The following LRP1B variants were observed in gnomAD, a reference collection of about 807,000 sequenced individuals.
LRP1B encodes the protein low-density lipoprotein receptor-related protein 1B.
A neutral mutation model predicts 556.6 loss-of-function variants in LRP1B; 217 were observed. That is an observed-to-expected ratio of 0.39 (90% CI 0.35 to 0.44). The LOEUF is 0.44. Among genes scored for constraint, LRP1B ranks in the 20% least tolerant of loss-of-function variants. The probability of loss-of-function intolerance (pLI) is 1.00; values close to 1 mark genes in which losing one functional copy is unlikely to be tolerated. For missense variants in LRP1B, 5,053 were observed against 5,620.8 expected (o/e 0.90, Z 3.23); for synonymous variants, 2,047 against 1,865.8 (o/e 1.10, Z -2.50).
At position 142,048,848 on chromosome 2, in the gene LRP1B, T is replaced by C. The variant is rs886715897; in HGVS notation, c.82+81800A>G. Among the ~76,000 whole-genome samples, 162 of 152,020 alleles carry C rather than the reference T, an allele frequency of 1.1e-3. 1 individual carries two copies. Among genetic ancestry groups the C allele is most frequent in the Non-Finnish European group, 5.4e-4 (37 of 67,972 alleles). On this transcript the variant is annotated intron_variant, in intron 1 of 90. Transcript: ENST00000389484. The stretch of plus-strand genomic sequence containing the variant: ...TTACAATGGACTAATAAAGAGAAGA[T>C]TCATGTCTTTATTAAAAACTTAGAA...
At chr2:141,717,104 T>C (rs1692631004) in intron 2 of LRP1B, among the ~76,000 whole-genome samples, 1 of 152,116 alleles carries the variant, frequency 6.6e-6, no homozygotes, top group South Asian at 2.1e-4. Flanking sequence ...TTTCTAAAGC[T>C]CAGAGGTATG....
At chr2:141,137,104 G>C (rs73962825) in intron 7 of LRP1B, among the ~76,000 whole-genome samples, 8,586 of 151,916 alleles carry the variant, frequency 0.057, 303 homozygotes, top group African/African-American at 0.099. Context: ...AATTGAAAAA[G>C]ATTTTGTAGG....
chr2:140,362,182 T>C (rs1682545644), intron 72 of LRP1B, among the ~76,000 whole-genome samples: 1 of 151,680 alleles, frequency 6.6e-6, no homozygotes. Flanking sequence ...CTATTAATCC[T>C]TTCTATCCCA....
chr2:141,263,665 A>T (rs1344153123), intron 3 of LRP1B, among the ~76,000 whole-genome samples: 3 of 152,168 alleles, frequency 2.0e-5, no homozygotes, highest in Non-Finnish European at 4.4e-5. Flanking sequence ...ATGAGGCTGG[A>T]ATTACCCCAA....
At chr2:141,445,048 G>A (rs1334541510) in intron 3 of LRP1B, among the ~76,000 whole-genome samples, 4 of 152,106 alleles carry the variant, frequency 2.6e-5, no homozygotes, top group African/African-American at 2.4e-5. Flanking sequence ...CTGTGAATCT[G>A]TCTGGTCCTG....
chr2:142,005,452 C>G (rs1172372925), intron 1 of LRP1B, among the ~76,000 whole-genome samples: 4 of 152,200 alleles, frequency 2.6e-5, no homozygotes, highest in African/African-American at 9.6e-5. Context: ...TCAACTTACT[C>G]TACTTTTATT....
intron 7 of LRP1B, among the ~76,000 whole-genome samples, chr2:141,128,443 T>C (rs1219119172): frequency 6.6e-6 from 1 of 152,160 alleles, no homozygotes; most frequent in Non-Finnish European, 1.5e-5. Context: ...CATAATCTGT[T>C]CCCTAGATTT....
chr2:140,319,990 A>C (rs893559643), intron 82 of LRP1B, among the ~76,000 whole-genome samples: 3 of 152,108 alleles, frequency 2.0e-5, no homozygotes, highest in Admixed American at 6.6e-5. Flanking sequence ...ACTTCTACAC[A>C]CTAACTAAAA....
At chr2:141,191,344 A>C (rs1368385826) in intron 6 of LRP1B, among the ~76,000 whole-genome samples, 1 of 151,930 alleles carries the variant, frequency 6.6e-6, no homozygotes, top group Non-Finnish European at 1.5e-5. Context: ...CCCCTAAAAG[A>C]GTTTCCTTCT....
Position 140,824,424 on chromosome 2 carries a change from A to G in LRP1B, c.5210-10618T>C, listed in dbSNP as rs77337420. Among the ~76,000 whole-genome samples, 561 of 152,250 alleles carry G rather than the reference A, an allele frequency of 3.7e-3. 12 individuals are homozygous for G. In the East Asian group the frequency reaches 0.059, roughly 16 times the overall value. On this transcript the variant is annotated intron_variant, in intron 31 of 90. Transcript: ENST00000389484. Reference sequence around the variant, plus strand: ...GTGCTAAGAAGATTTGTCAATAAGTAGATGACTATATTTATTTTTGCCTGT... The same window carrying G: ...GTGCTAAGAAGATTTGTCAATAAGTGGATGACTATATTTATTTTTGCCTGT...
At chr2:141,712,050 G>A (rs964519737) in intron 2 of LRP1B, among the ~76,000 whole-genome samples, 13 of 151,922 alleles carry the variant, frequency 8.6e-5, no homozygotes, top group Admixed American at 3.9e-4. Flanking sequence ...TATGATATAC[G>A]AAGTTGCTTA....
At chr2:140,509,673 TGATAA>T (rs573551636) in intron 52 of LRP1B, among the ~76,000 whole-genome samples, 36 of 152,252 alleles carry the variant, frequency 2.4e-4, no homozygotes, top group Admixed American at 2.0e-3. Flanking sequence ...AGAAGTGAAA[TGATAA>T]ATCTGTGTTT....
chr2:141,682,740 A>AATT (rs1449794798), intron 2 of LRP1B, among the ~76,000 whole-genome samples: 1 of 152,202 alleles, frequency 6.6e-6, no homozygotes, highest in Non-Finnish European at 1.5e-5. Context: ...ATTTAGTGGA[A>AATT]TATGGAACAA....
At chr2:141,718,463 G>C (rs1692698594) in intron 2 of LRP1B, among the ~76,000 whole-genome samples, 1 of 152,072 alleles carries the variant, frequency 6.6e-6, no homozygotes, top group South Asian at 2.1e-4. Flanking sequence ...CTGGGTTTTG[G>C]AATCCATCTA....
chr2:140,949,104 C>A (rs1695629084), intron 20 of LRP1B, among the ~76,000 whole-genome samples: 1 of 152,102 alleles, frequency 6.6e-6, no homozygotes, highest in Non-Finnish European at 1.5e-5. Flanking sequence ...GTATATGATT[C>A]CCCTACCCCT....
At chr2:140,640,438 C>T in intron 41 of LRP1B, among the ~76,000 whole-genome samples, 1 of 114,386 alleles carries the variant, frequency 8.7e-6, no homozygotes. Flanking sequence ...CTCTGTCGCC[C>T]AGGCTGGAGT....
At chr2:141,913,153 A>C (rs1330714791) in intron 1 of LRP1B, among the ~76,000 whole-genome samples, 1 of 152,188 alleles carries the variant, frequency 6.6e-6, no homozygotes, top group African/African-American at 2.4e-5. Flanking sequence ...GTTGCACAAC[A>C]GTAGGAATAT....
chr2:141,450,205 G>A lies in LRP1B; in HGVS notation c.343+30191C>T, dbSNP rs1355518172. 2.0e-5 allele frequency among the ~76,000 whole-genome samples: 3 copies of A among 152,268 alleles called. No homozygotes were observed. The East Asian group carries it at 5.8e-4, about 29-fold the overall frequency. ...AAGCATTGCACACTTTCTATCTACT[G>A]CCTTTGTTTTTATTAGTTCTTGCCA... On this transcript the variant is annotated intron_variant, in intron 3 of 90. Transcript: ENST00000389484.
At chr2:140,442,767 T>C in intron 65 of LRP1B, 144 bp from the exon 66 acceptor site, 1 of 716,028 alleles carries the variant, frequency 1.4e-6, no homozygotes, top group East Asian at 2.8e-5. Context: ...TGAGGAATTT[T>C]AACTTTTAAT....
Sources: gnomAD v4.1 joint callset for allele counts (sites outside exome capture counted in the v4.1 genomes callset) on GRCh38, gnomAD v4.1.1 for gene constraint, MANE v1.5 for transcripts, NCBI Gene and HGNC (gene_info 2026-07-23, HGNC 2026-07-21) for gene names.